Variants in STXBP4 observed in about 807,000 individuals in gnomAD.
The protein encoded by STXBP4 is syntaxin-binding protein 4.
A neutral mutation model predicts 76.1 loss-of-function variants in STXBP4; 55 were observed. The ratio of observed to expected loss-of-function variants is 0.72; its 90% CI spans 0.58 to 0.91. The LOEUF (loss-of-function observed/expected upper bound fraction) is 0.91. STXBP4 is among the 40% of genes least tolerant of loss of function. The pLI, the probability that STXBP4 is intolerant of heterozygous loss-of-function variation, is 0.00. For missense variants in STXBP4, 618 were observed against 636.9 expected (o/e 0.97, Z 0.32); for synonymous variants, 201 against 220.2 (o/e 0.91, Z 0.77).
At chr17:55,133,493 A>G (rs1172611939) in intron 16 of STXBP4, among the ~76,000 whole-genome samples, 2 of 152,236 alleles carry the variant, frequency 1.3e-5, no homozygotes, top group African/African-American at 4.8e-5. Flanking sequence ...ACGTATGAAT[A>G]GTATTTAAAT....
At chr17:55,017,833 C>T (rs2078235987) in intron 8 of STXBP4, among the ~76,000 whole-genome samples, 1 of 152,184 alleles carries the variant, frequency 6.6e-6, no homozygotes, top group African/African-American at 2.4e-5. Flanking sequence ...CCCAGACAGC[C>T]TCACACCTGA....
the STXBP4 span, among the ~76,000 whole-genome samples, chr17:55,181,239 A>G: frequency 6.6e-6 from 1 of 152,222 alleles, no homozygotes; most frequent in African/African-American, 2.4e-5. Flanking sequence ...GTGCTTAGCA[A>G]TTTGAAAAAG....
At chr17:55,019,955 G>C (rs1049711890) in intron 8 of STXBP4, among the ~76,000 whole-genome samples, 3 of 152,104 alleles carry the variant, frequency 2.0e-5, no homozygotes, top group East Asian at 1.9e-4. Context: ...ACCTGTTATT[G>C]GTGTTCTGTA....
chr17:54,984,114 A>C (rs2077589597), intron 1 of STXBP4, among the ~76,000 whole-genome samples: 1 of 152,100 alleles, frequency 6.6e-6, no homozygotes, highest in Non-Finnish European at 1.5e-5. Flanking sequence ...TACCACCCAG[A>C]CCAGTGAATA....
chr17:55,042,044 A>G (rs2078708434), intron 10 of STXBP4, among the ~76,000 whole-genome samples: 1 of 152,220 alleles, frequency 6.6e-6, no homozygotes, highest in Non-Finnish European at 1.5e-5. Flanking sequence ...GGCAATGTCC[A>G]TAGATACCCA....
At chr17:55,081,027 A>G in intron 15 of STXBP4, 23 bp from the exon 16 acceptor site, 4 of 1,442,478 alleles carry the variant, frequency 2.8e-6, no homozygotes, top group Non-Finnish European at 3.6e-6. Context: ...AGTAAGTTCA[A>G]CTTTATTTTA....
intron 11 of STXBP4, chr17:55,044,452 G>A (rs1445905957): frequency 6.6e-6 from 1 of 151,712 alleles, no homozygotes; most frequent in Non-Finnish European, 1.5e-5. Flanking sequence ...AGCCATTGTT[G>A]CAAATATATT....
At chr17:55,063,722 C>T (rs181318047) in intron 12 of STXBP4, among the ~76,000 whole-genome samples, 334 of 152,140 alleles carry the variant, frequency 2.2e-3, no homozygotes, top group Non-Finnish European at 3.4e-3. Flanking sequence ...ATAATAGGTG[C>T]CCTGTGGCTG....
chr17:55,200,624 A>G, the STXBP4 span, among the ~76,000 whole-genome samples: 5 of 152,156 alleles, frequency 3.3e-5, no homozygotes, highest in African/African-American at 1.2e-4. Flanking sequence ...ACAGGTATCT[A>G]ATTCACTGGT....
At chr17:55,104,205 G>A (rs2079601067) in intron 16 of STXBP4, among the ~76,000 whole-genome samples, 1 of 152,148 alleles carries the variant, frequency 6.6e-6, no homozygotes, top group South Asian at 2.1e-4. Context: ...TCTTGTGCCA[G>A]TTTTCAAAGG....
At chr17:54,970,238 A>T (rs1226602696) in intron 1 of STXBP4, among the ~76,000 whole-genome samples, 2 of 152,236 alleles carry the variant, frequency 1.3e-5, no homozygotes, top group Non-Finnish European at 2.9e-5. Flanking sequence ...TTTATTCTAA[A>T]AGTAATAGGA....
chr17:55,023,657 GT>G (rs988859997), intron 8 of STXBP4, among the ~76,000 whole-genome samples: 1 of 151,756 alleles, frequency 6.6e-6, no homozygotes, highest in African/African-American at 2.4e-5. Flanking sequence ...AAATAAAGAA[GT>G]TTTTAAAATT....
chr17:55,072,883 A>G lies in STXBP4; in HGVS notation c.1012-17A>G. 6.3e-7 allele frequency: 1 copy of G among 1,575,266 alleles called. No individual in the cohort carries two copies. Among genetic ancestry groups the G allele is most frequent in the East Asian group, 2.3e-5 (1 of 44,222 alleles). ...TCTTATGTATTTTTTAAATGACATT[A>G]ATTTTGAAATCTTTAGGAAGCCAAA... On this transcript the variant is annotated splice_polypyrimidine_tract_variant and intron_variant, in intron 12 of 17. Transcript: ENST00000376352.
In STXBP4 at chr17:55,097,197, A is replaced by G. The variant is rs114044434; in HGVS notation, c.1489+16014A>G. Among the ~76,000 whole-genome samples the G allele has an allele frequency of 7.5e-3, 1,145 of 152,308 alleles. 19 individuals carry two copies. Among genetic ancestry groups the G allele is most frequent in the African/African-American group, 0.026 (1,082 of 41,552 alleles). ...GCAGAATCTAATGAAAGTTAAAGTC[A>G]AAAGTAGAATAGGGAAAATATTCAG... On this transcript the variant is annotated intron_variant, in intron 16 of 17. Transcript: ENST00000376352.
chr17:55,047,829 CA>C (rs986750151), intron 12 of STXBP4, among the ~76,000 whole-genome samples: 5 of 151,328 alleles, frequency 3.3e-5, no homozygotes, highest in Non-Finnish European at 1.5e-5. Context: ...GACTATGTGA[CA>C]AAAAAACACC....
rs1304430012 is a variant in STXBP4, at chr17:55,168,416, C to T, written c.*8505C>T. On this transcript the variant is annotated 3_prime_UTR_variant, in exon 18 of 18. Transcript: ENST00000376352. Reference sequence around the variant, plus strand: ...GTTACCTTAGTTTTTCCAATTAAGACTGTTCATTGATTGTATTTCTTCTGT... The same window carrying T: ...GTTACCTTAGTTTTTCCAATTAAGATTGTTCATTGATTGTATTTCTTCTGT... 1 of 152,088 alleles carries T rather than the reference C, an allele frequency of 6.6e-6. No homozygotes were observed. The highest frequency in any genetic ancestry group is 1.5e-5 in the Non-Finnish European group (1 of 68,010). 9.4% of individuals were successfully genotyped at this position (152,088 alleles called of 1,614,324 possible).
At chr17:55,111,982 C>T (rs1328915569) in intron 16 of STXBP4, among the ~76,000 whole-genome samples, 3 of 152,142 alleles carry the variant, frequency 2.0e-5, no homozygotes, top group African/African-American at 7.2e-5. Context: ...ATAGCACAGT[C>T]ATAGCTCACT....
chr17:54,973,209 G>C (rs2077424586), intron 1 of STXBP4, among the ~76,000 whole-genome samples: 1 of 152,136 alleles, frequency 6.6e-6, no homozygotes, highest in South Asian at 2.1e-4. Flanking sequence ...TAATCGGTTG[G>C]GTAGTGGCAG....
At chr17:55,148,485 T>C (rs899886272) in intron 17 of STXBP4, among the ~76,000 whole-genome samples, 3 of 152,156 alleles carry the variant, frequency 2.0e-5, no homozygotes, top group African/African-American at 7.2e-5. Context: ...ATTAGAAATT[T>C]AAAGGGTACT....
Sources: gnomAD v4.1 joint callset for allele counts (sites outside exome capture counted in the v4.1 genomes callset) on GRCh38, gnomAD v4.1.1 for gene constraint, MANE v1.5 for transcripts, NCBI Gene and HGNC (gene_info 2026-07-23, HGNC 2026-07-21) for gene names.